Variants in KMT2C observed in about 807,000 individuals in gnomAD.
KMT2C encodes histone-lysine N-methyltransferase 2C.
KMT2C carries 88 observed loss-of-function variants against 507.9 expected under a neutral mutation model. The observed-to-expected ratio is 0.17, with a 90% CI of 0.15 to 0.21. KMT2C has a LOEUF of 0.21. KMT2C is among the 10% of genes least tolerant of loss of function. The pLI is 1.00. For missense variants in KMT2C, 4,954 were observed against 5,957.8 expected (o/e 0.83, Z 5.55); for synonymous variants, 2,049 against 2,080.8 (o/e 0.98, Z 0.42).
At chr7:152,224,806 G>A (rs1283400763) in intron 18 of KMT2C, among the ~76,000 whole-genome samples, 190 bp from the exon 19 acceptor site, 3 of 152,124 alleles carry the variant, frequency 2.0e-5, no homozygotes, top group Non-Finnish European at 4.4e-5. Flanking sequence ...AGCCTACTGA[G>A]CAGAATAATA....
chr7:152,189,789 C>G (rs1221421665), intron 31 of KMT2C, among the ~76,000 whole-genome samples: 1 of 152,156 alleles, frequency 6.6e-6, no homozygotes, highest in Non-Finnish European at 1.5e-5. Context: ...ACATTTACTC[C>G]AAGGATTAAA....
chr7:152,283,072 T>C (rs2096246297), intron 6 of KMT2C, among the ~76,000 whole-genome samples: 1 of 152,258 alleles, frequency 6.6e-6, no homozygotes, highest in South Asian at 2.1e-4. Context: ...AATAATCAGA[T>C]AGATGAATGC....
chr7:152,390,227 TA>T (rs376906943), intron 1 of KMT2C, among the ~76,000 whole-genome samples: 1 of 8,842 alleles, frequency 1.1e-4, no homozygotes, highest in Non-Finnish European at 3.8e-4. Context: ...AATTTTTTTT[TA>T]AATTGTAAAG....
At chr7:152,307,996 A>C (rs1038222935) in intron 6 of KMT2C, among the ~76,000 whole-genome samples, 1 of 152,214 alleles carries the variant, frequency 6.6e-6, no homozygotes, top group Admixed American at 6.5e-5. Context: ...TAATTCATAA[A>C]ACAGATGGTT....
intron 16 of KMT2C, among the ~76,000 whole-genome samples, chr7:152,230,988 T>C (rs1379976964): frequency 7.2e-5 from 11 of 152,174 alleles, no homozygotes; most frequent in Non-Finnish European, 1.5e-4. Context: ...AGCTAATTTC[T>C]GTATTTTTAG....
chr7:152,372,626 A>G (rs1292063067), intron 1 of KMT2C, among the ~76,000 whole-genome samples: 2 of 152,238 alleles, frequency 1.3e-5, no homozygotes, highest in Non-Finnish European at 2.9e-5. Context: ...TGAGTCAAAA[A>G]GTGTTAAAAG....
At position 152,162,663 on chromosome 7, in the gene KMT2C, T is replaced by G. The variant is rs757212501; in HGVS notation, c.10914A>C (p.Ser3638=). 1 of 1,614,246 alleles carries G rather than the reference T, an allele frequency of 6.2e-7. No individual in the cohort carries two copies. Among genetic ancestry groups the G allele is most frequent in the South Asian group, 1.1e-5 (1 of 91,088 alleles). ...TCACTGCAGGAGTAGAGGTAGTTTC[T>G]GAGATGCCTGGAGTCGGTGGGGCAG... ...DITAPPTPGI[S]ETTSTPAVST... The change falls in exon 43 of 59, where the codon TCA becomes TCC. Residue 3638 remains serine, a synonymous_variant. Transcript: ENST00000262189.
intron 1 of KMT2C, among the ~76,000 whole-genome samples, chr7:152,362,884 G>GA (rs1404086556): frequency 6.6e-6 from 1 of 152,138 alleles, no homozygotes; most frequent in African/African-American, 2.4e-5. Context: ...TTTGGCACTA[G>GA]GAAGACATGC....
intron 20 of KMT2C, 115 bp from the exon 21 acceptor site, chr7:152,222,797 C>T: frequency 3.1e-6 from 2 of 636,724 alleles, no homozygotes; most frequent in Non-Finnish European, 5.7e-6. Context: ...GCCTCACATG[C>T]TCCTCCTACC....
Position 152,267,810 on chromosome 7 carries a change from C to A in KMT2C, c.1013-2601G>T, listed in dbSNP as rs1157313503. 6.9e-4 allele frequency among the ~76,000 whole-genome samples: 105 copies of A among 151,930 alleles called. No individual in the cohort carries two copies. In the East Asian group the frequency reaches 0.019, roughly 28 times the overall value. On this transcript the variant is annotated intron_variant, in intron 7 of 58. Transcript: ENST00000262189. ...AAAATCAGAATTTTCAAGTATGAGG[C>A]AAAAAGGCCCTTATCTCCCTTTCCA...
At chr7:152,359,288 GAA>G (rs35157323) in intron 1 of KMT2C, among the ~76,000 whole-genome samples, 34 of 81,196 alleles carry the variant, frequency 4.2e-4, no homozygotes, top group African/African-American at 7.9e-4. Flanking sequence ...GAAAGCAATT[GAA>G]AAAAAAAAAA....
rs2129094857 is a variant in KMT2C at position 152,148,057 on chromosome 7, C to A, written c.13870G>T (p.Val4624Phe). 1.3e-6 allele frequency: 2 copies of A among 1,592,488 alleles called. No individual in the cohort carries two copies. The highest frequency in any genetic ancestry group is 1.7e-6 in the Non-Finnish European group (2 of 1,164,386). ...RIVEQGHEDL[V>F]LSDISPKGVW... Reference sequence around the variant, plus strand: ...CCTTTAGGTGAGATGTCACTTAGAACCAGGTCTTCATGGCCTTGTTCCACA... The same window carrying A: ...CCTTTAGGTGAGATGTCACTTAGAAACAGGTCTTCATGGCCTTGTTCCACA... Residue 4624 changes from valine (V) to phenylalanine (F), a missense_variant, in exon 52 of 59, where the codon GTT becomes TTT. By Grantham distance (50) the Val-to-Phe change is conservative (BLOSUM62 -1). Coordinates refer to ENST00000262189, the MANE Select transcript of KMT2C (RefSeq NM_170606.3). This position sits in a 1 kb window ranked among gnomAD's most constrained non-coding sequence, Gnocchi z 7.1.
At chr7:152,186,937 A>G (rs150168716) in intron 33 of KMT2C, among the ~76,000 whole-genome samples, 1 of 152,334 alleles carries the variant, frequency 6.6e-6, no homozygotes, top group East Asian at 1.9e-4. Flanking sequence ...GCCTAGCAGT[A>G]TTTTTGATTA....
intron 1 of KMT2C, among the ~76,000 whole-genome samples, chr7:152,433,539 T>C (rs1234754966): frequency 6.6e-6 from 1 of 152,238 alleles, no homozygotes; most frequent in East Asian, 1.9e-4. Context: ...CTAAAAAGTT[T>C]AGACCCGTCA....
intron 8 of KMT2C, 112 bp downstream of exon 8, chr7:152,264,926 G>C: frequency 7.6e-7 from 1 of 1,312,760 alleles, no homozygotes; most frequent in South Asian, 1.9e-5. Flanking sequence ...GTCACTGAAT[G>C]AATATAGCTA....
intron 1 of KMT2C, among the ~76,000 whole-genome samples, chr7:152,426,835 A>G (rs748268576): frequency 1.3e-5 from 2 of 152,232 alleles, no homozygotes; most frequent in Non-Finnish European, 2.9e-5. Flanking sequence ...CAAACAGCTA[A>G]TATGTAGTAC....
Position 152,413,860 on chromosome 7 carries a change from G to A in KMT2C, c.161+21766C>T, listed in dbSNP as rs71181445. ...AGATCGCACCACTGCACTCCAGTCC[G>A]GGTGACAAGAGCAAAACTCCGTCTC... On this transcript the variant is annotated intron_variant, in intron 1 of 58. Coordinates refer to ENST00000262189, the MANE Select transcript of KMT2C (RefSeq NM_170606.3). 4.6e-3 allele frequency among the ~76,000 whole-genome samples: 628 copies of A among 137,974 alleles called. 21 individuals carry two copies. In the East Asian group the frequency reaches 0.078, roughly 17 times the overall value. 90.5% of individuals were successfully genotyped at this position (137,974 alleles called of 152,430 possible).
intron 53 of KMT2C, among the ~76,000 whole-genome samples, chr7:152,146,209 G>A (rs1166583960): frequency 6.6e-6 from 1 of 152,168 alleles, no homozygotes; most frequent in Non-Finnish European, 1.5e-5. Context: ...TAGGAAGAGG[G>A]CAGGAGAGTG....
chr7:152,427,004 T>G (rs922223604), intron 1 of KMT2C, among the ~76,000 whole-genome samples: 3 of 149,974 alleles, frequency 2.0e-5, no homozygotes, highest in African/African-American at 7.4e-5. Flanking sequence ...CTCCCCAGAG[T>G]TTTTTTTTGT....
Sources: gnomAD v4.1 joint callset for allele counts (sites outside exome capture counted in the v4.1 genomes callset) on GRCh38, gnomAD v4.1.1 for gene constraint, Gnocchi (gnomAD v3.1) non-coding constraint, MANE v1.5 for transcripts, NCBI Gene and HGNC (gene_info 2026-07-23, HGNC 2026-07-21) for gene names.